F13A1: variants seen among roughly 807,000 people sequenced by gnomAD.
The protein encoded by F13A1 is coagulation factor XIII A chain, also known as FSF, A subunit.
Under a neutral mutation model 80.1 loss-of-function variants are expected in F13A1, and 47 were observed. That is an observed-to-expected ratio of 0.59 (90% CI 0.46 to 0.75). The LOEUF (loss-of-function observed/expected upper bound fraction) is 0.75, where lower values mean the gene tolerates loss of function less well. F13A1 is among the 30% of genes least tolerant of loss of function. The probability of loss-of-function intolerance (pLI) is 0.00; values close to 1 mark genes in which losing one functional copy is unlikely to be tolerated. For missense variants in F13A1, 817 were observed against 930.4 expected (o/e 0.88, Z 1.59); for synonymous variants, 349 against 344.9 (o/e 1.01, Z -0.13).
intron 6 of F13A1, among the ~76,000 whole-genome samples, 175 bp downstream of exon 6, chr6:6,248,137 A>G (rs1757578651): frequency 6.6e-6 from 1 of 152,264 alleles, no homozygotes; most frequent in Admixed American, 6.5e-5. Context: ...GTTTTATAGC[A>G]CATGATAAGC....
chr6:6,186,108 G>C (rs1032837898), intron 10 of F13A1, among the ~76,000 whole-genome samples: 1 of 151,084 alleles, frequency 6.6e-6, no homozygotes, highest in African/African-American at 2.4e-5. Context: ...GTTCATTGTA[G>C]ATTCTGGATA....
At chr6:6,228,300 A>G (rs1401687109) in intron 6 of F13A1, among the ~76,000 whole-genome samples, 1 of 152,178 alleles carries the variant, frequency 6.6e-6, no homozygotes, top group Non-Finnish European at 1.5e-5. Context: ...AAACTTCAAA[A>G]CATGGTCCCA....
chr6:6,234,056 C>T (rs1214883144), intron 6 of F13A1, among the ~76,000 whole-genome samples: 1 of 152,224 alleles, frequency 6.6e-6, no homozygotes, highest in South Asian at 2.1e-4. Context: ...AGGAGTCCCA[C>T]TGTCACCACT....
chr6:6,279,691 C>A (rs1758035408), intron 3 of F13A1, among the ~76,000 whole-genome samples: 1 of 152,202 alleles, frequency 6.6e-6, no homozygotes, highest in African/African-American at 2.4e-5. Context: ...AATGGCAAGT[C>A]TATGGAGCCA....
chr6:6,203,424 T>G (rs1761432158), intron 8 of F13A1, among the ~76,000 whole-genome samples: 1 of 152,202 alleles, frequency 6.6e-6, no homozygotes, highest in Non-Finnish European at 1.5e-5. Flanking sequence ...TCTGGCCTCA[T>G]CAGATGAGCC....
At chr6:6,308,210 G>A (rs527261358) in intron 2 of F13A1, among the ~76,000 whole-genome samples, 134 of 152,174 alleles carry the variant, frequency 8.8e-4, no homozygotes, top group African/African-American at 3.1e-3. Context: ...ATTTAATAGA[G>A]ACGGGGTTTC....
intron 5 of F13A1, among the ~76,000 whole-genome samples, chr6:6,249,301 A>G (rs1278804108): frequency 3.3e-5 from 5 of 152,222 alleles, no homozygotes; most frequent in African/African-American, 1.2e-4. Context: ...GACAGGATGG[A>G]TGCAGTAATG....
intron 7 of F13A1, among the ~76,000 whole-genome samples, chr6:6,223,214 G>A (rs942809719): frequency 1.2e-4 from 19 of 152,298 alleles, no homozygotes; most frequent in African/African-American, 4.6e-4. Flanking sequence ...TCCCCACTGT[G>A]TGTTTCTGCC....
intron 2 of F13A1, among the ~76,000 whole-genome samples, chr6:6,307,081 G>A (rs907137181): frequency 1.3e-5 from 2 of 152,118 alleles, no homozygotes; most frequent in African/African-American, 2.4e-5. Context: ...TTTAAAATGA[G>A]GATACTAATA....
At chr6:6,261,598 A>T in intron 4 of F13A1, among the ~76,000 whole-genome samples, 1 of 82,550 alleles carries the variant, frequency 1.2e-5, no homozygotes, top group African/African-American at 3.5e-5. Context: ...GGTGATTCTG[A>T]TGTGTTCCAA....
chr6:6,281,401 T>C (rs1206595689), intron 3 of F13A1, among the ~76,000 whole-genome samples: 3 of 152,166 alleles, frequency 2.0e-5, no homozygotes, highest in Non-Finnish European at 4.4e-5. Context: ...AGACCAGGTA[T>C]ACCAGGACCA....
At chr6:6,152,303 G>C (rs1007219862) in intron 13 of F13A1, among the ~76,000 whole-genome samples, 9 of 152,128 alleles carry the variant, frequency 5.9e-5, no homozygotes, top group Admixed American at 2.0e-4. Flanking sequence ...TTCTGGATAG[G>C]CATCAAGTTT....
intron 13 of F13A1, among the ~76,000 whole-genome samples, chr6:6,159,452 A>C (rs1053927240): frequency 6.6e-6 from 1 of 152,194 alleles, no homozygotes; most frequent in African/African-American, 2.4e-5. Context: ...TAGTGTCCCA[A>C]GTTGGAAGAG....
chr6:6,294,412 T>G (rs1052077912), intron 3 of F13A1, among the ~76,000 whole-genome samples: 14 of 152,170 alleles, frequency 9.2e-5, no homozygotes, highest in African/African-American at 3.4e-4. Context: ...GTTTTGGGAC[T>G]TGGACTGGCT....
At chr6:6,248,507 C>T in intron 5 of F13A1, 88 bp from the exon 6 acceptor site, 1 of 995,846 alleles carries the variant, frequency 1.0e-6, no homozygotes, top group South Asian at 1.4e-5. Flanking sequence ...AAACCACAAC[C>T]TAATGTTTAG....
chr6:6,217,804 A>G (rs1021584045), intron 8 of F13A1, among the ~76,000 whole-genome samples: 7 of 152,248 alleles, frequency 4.6e-5, no homozygotes, highest in African/African-American at 1.7e-4. Context: ...AGGATTATAC[A>G]CTGATTAGGG....
chr6:6,305,293 A>C (rs767041007), intron 3 of F13A1, 58 bp downstream of exon 3: 2 of 1,586,140 alleles, frequency 1.3e-6, no homozygotes, highest in Non-Finnish European at 1.7e-6. Context: ...GCCTGTACCC[A>C]CCTCTCTCTA....
chr6:6,174,715 T>C lies in F13A1; in HGVS notation c.1612A>G (p.Ile538Val), dbSNP rs1347040527. 1 of 1,614,070 alleles carries C rather than the reference T, an allele frequency of 6.2e-7. No homozygotes were observed. The highest frequency in any genetic ancestry group is 8.5e-7 in the Non-Finnish European group (1 of 1,180,044). Reference protein sequence around the residue: ...AVLGKDFKLSITFRNNSHNRY... With the variant: ...AVLGKDFKLSVTFRNNSHNRY... ...TTGTGGCTGTTGTTCCGGAAGGTGA[T>C]GGAGAGCTTGAAGTCTTTTCCCAGC... Residue 538 changes from isoleucine (I) to valine (V), a missense_variant, in exon 12 of 15, where the codon ATC (isoleucine) becomes GTC (valine). Transcript: ENST00000264870.
intron 3 of F13A1, among the ~76,000 whole-genome samples, chr6:6,304,079 A>G (rs966648751): frequency 1.3e-5 from 2 of 152,166 alleles, no homozygotes; most frequent in Non-Finnish European, 2.9e-5. Flanking sequence ...TAAAACCTTT[A>G]AAGTACTTCT....
Sources: gnomAD v4.1 joint callset for allele counts (sites outside exome capture counted in the v4.1 genomes callset) on GRCh38, gnomAD v4.1.1 for gene constraint, MANE v1.5 for transcripts, NCBI Gene and HGNC (gene_info 2026-07-23, HGNC 2026-07-21) for gene names.